The following PLCZ1 variants were observed in gnomAD, a reference collection of about 807,000 sequenced individuals.
PLCZ1 encodes the protein 1-phosphatidylinositol 4,5-bisphosphate phosphodiesterase zeta-1.
PLCZ1 carries 64 observed loss-of-function variants against 76.8 expected under a neutral mutation model. The observed-to-expected ratio is 0.83, with a 90% CI of 0.68 to 1.03. PLCZ1 has a LOEUF of 1.03. Among genes scored for constraint, PLCZ1 ranks in the 50% least tolerant of loss-of-function variants. PLCZ1 has a pLI of 0.00. For missense variants in PLCZ1, 751 were observed against 713.7 expected (o/e 1.05, Z -0.60); for synonymous variants, 248 against 230.8 (o/e 1.07, Z -0.68).
chr12:18,694,562 G>A (rs1038911747), intron 12 of PLCZ1, among the ~76,000 whole-genome samples: 3 of 152,096 alleles, frequency 2.0e-5, no homozygotes, highest in African/African-American at 2.4e-5. Context: ...CATCAAAGGC[G>A]AGAAAAAGTA....
At chr12:18,674,874 G>T in the PLCZ1 span, among the ~76,000 whole-genome samples, 1 of 152,114 alleles carries the variant, frequency 6.6e-6, no homozygotes, top group African/African-American at 2.4e-5. Context: ...AGCCTGTGAA[G>T]AACCCTGGGA....
At chr12:18,677,547 A>G in the PLCZ1 span, among the ~76,000 whole-genome samples, 2 of 151,972 alleles carry the variant, frequency 1.3e-5, no homozygotes, top group African/African-American at 4.8e-5. Context: ...AATGTCCCCT[A>G]TGCTGTTTTC....
At chr12:18,695,135 A>G in intron 11 of PLCZ1, 56 bp from the exon 12 acceptor site, 1 of 1,505,998 alleles carries the variant, frequency 6.6e-7, no homozygotes, top group Non-Finnish European at 9.2e-7. Flanking sequence ...AAATAAAGGA[A>G]CACAAACCAC....
At chr12:18,693,989 A>T (rs1177564473) in intron 12 of PLCZ1, 1 of 1,495,852 alleles carries the variant, frequency 6.7e-7, no homozygotes, top group Non-Finnish European at 9.3e-7. Context: ...AGCTGGTCTG[A>T]TGGCCTTAAG....
chr12:18,681,573 T>A (rs1952419699), downstream of PLCZ1, among the ~76,000 whole-genome samples: 1 of 152,034 alleles, frequency 6.6e-6, no homozygotes, highest in African/African-American at 2.4e-5. Context: ...TCTAGTTCAA[T>A]ACATAGGGAC....
intron 11 of PLCZ1, among the ~76,000 whole-genome samples, chr12:18,695,781 A>G (rs1954885942): frequency 6.6e-6 from 1 of 152,144 alleles, no homozygotes; most frequent in Non-Finnish European, 1.5e-5. Context: ...GTAGAAGCTC[A>G]TGTAAAGTAT....
At chr12:18,680,372 C>T (rs1256281515), downstream of PLCZ1, among the ~76,000 whole-genome samples, 2 of 151,978 alleles carry the variant, frequency 1.3e-5, no homozygotes, top group East Asian at 1.9e-4. Context: ...AAGACACTCC[C>T]TTATATCCAA....
chr12:18,737,373 G>A lies in PLCZ1; in HGVS notation c.-2C>T. On this transcript the variant is annotated 5_prime_UTR_variant, in exon 2 of 15. Transcript: ENST00000266505. ...TCTCAATGGATATCTCATTTCCATA[G>A]TTTCATGACCTGTAGAGCCGTTTCT... 3 of 1,613,794 alleles carry A rather than the reference G, an allele frequency of 1.9e-6. No homozygotes were observed. Among genetic ancestry groups the A allele is most frequent in the Non-Finnish European group, 2.5e-6 (3 of 1,179,718 alleles).
intron 4 of PLCZ1, 91 bp from the exon 5 acceptor site, chr12:18,719,723 G>T: frequency 1.2e-6 from 1 of 811,016 alleles, no homozygotes. Flanking sequence ...TTACTCAGTA[G>T]TAGAGCATAT....
At chr12:18,682,270 T>C (rs1448149001), downstream of PLCZ1, among the ~76,000 whole-genome samples, 2 of 152,076 alleles carry the variant, frequency 1.3e-5, no homozygotes, top group Non-Finnish European at 2.9e-5. Context: ...TTGGGTTATA[T>C]TTTCTGGTCA....
the PLCZ1 span, among the ~76,000 whole-genome samples, chr12:18,671,442 T>C: frequency 6.6e-6 from 1 of 152,018 alleles, no homozygotes; most frequent in African/African-American, 2.4e-5. Context: ...TGTGACTGCG[T>C]CAGCATAATG....
At chr12:18,710,516 C>A (rs1392412902) in intron 6 of PLCZ1, among the ~76,000 whole-genome samples, 1 of 151,736 alleles carries the variant, frequency 6.6e-6, no homozygotes, top group Non-Finnish European at 1.5e-5. Context: ...TTGAGTGAGG[C>A]CGAAGGCTTT....
At position 18,701,588 on chromosome 12, in the gene PLCZ1, T is replaced by C. The variant is rs1348777380; in HGVS notation, c.950-20A>G. On this transcript the variant is annotated intron_variant, in intron 8 of 14. Transcript: ENST00000266505. ...TGTCTCCTAAAACAGATTCCAATAC[T>C]TCTGATTCTTTGAATTTATCCTCCT... The C allele has an allele frequency of 6.2e-7, 1 of 1,612,174 alleles. No homozygotes were observed.
intron 1 of PLCZ1, 57 bp downstream of exon 1, chr12:18,737,875 A>AC: frequency 3.5e-6 from 1 of 282,832 alleles, no homozygotes; most frequent in Non-Finnish European, 6.7e-6. Flanking sequence ...GTCACTCTTG[A>AC]AACTTTGGGC....
At chr12:18,695,926 T>C (rs537217968) in intron 11 of PLCZ1, among the ~76,000 whole-genome samples, 1 of 152,078 alleles carries the variant, frequency 6.6e-6, no homozygotes, top group East Asian at 2.0e-4. Flanking sequence ...CTCGTGAATT[T>C]AACCACCATT....
At chr12:18,646,221 T>C in the PLCZ1 span, among the ~76,000 whole-genome samples, 7 of 152,314 alleles carry the variant, frequency 4.6e-5, no homozygotes, top group Admixed American at 3.9e-4. Flanking sequence ...TGTATTTTCA[T>C]AATTAAAACA....
chr12:18,679,688 T>C (rs1273294903), downstream of PLCZ1, among the ~76,000 whole-genome samples: 2 of 152,008 alleles, frequency 1.3e-5, no homozygotes, highest in Admixed American at 6.6e-5. Context: ...TGGCTAACGT[T>C]GCAGATATTG....
At chr12:18,659,643 C>G in the PLCZ1 span, among the ~76,000 whole-genome samples, 1 of 147,752 alleles carries the variant, frequency 6.8e-6, no homozygotes, top group Non-Finnish European at 1.5e-5. Flanking sequence ...GTCTCCTTTA[C>G]TATGGAATAG....
At chr12:18,710,213 T>C (rs1017631931) in intron 6 of PLCZ1, among the ~76,000 whole-genome samples, 1 of 149,582 alleles carries the variant, frequency 6.7e-6, no homozygotes, top group African/African-American at 2.5e-5. Flanking sequence ...TCTTAGAAGC[T>C]GTAGGCTTTT....
Sources: gnomAD v4.1 joint callset for allele counts (sites outside exome capture counted in the v4.1 genomes callset) on GRCh38, gnomAD v4.1.1 for gene constraint, MANE v1.5 for transcripts, NCBI Gene and HGNC (gene_info 2026-07-23, HGNC 2026-07-21) for gene names.